MFSD12: variants seen among roughly 807,000 people sequenced by gnomAD.
The protein encoded by MFSD12 is major facilitator superfamily domain-containing protein 12.
A neutral mutation model predicts 51.2 loss-of-function variants in MFSD12; 67 were observed. The ratio of observed to expected loss-of-function variants is 1.31; its 90% CI spans 1.08 to 1.60. The LOEUF (loss-of-function observed/expected upper bound fraction) is 1.60, where lower values mean the gene tolerates loss of function less well. MFSD12 is among the 40% of genes most tolerant of loss of function. MFSD12 has a pLI of 0.00. For missense variants in MFSD12, 921 were observed against 673.0 expected, an observed-to-expected ratio of 1.37 and a Z score of -4.08; for synonymous variants, 441 against 316.7, an observed-to-expected ratio of 1.39 and a Z score of -4.17.
intron 2 of MFSD12, among the ~76,000 whole-genome samples, chr19:3,550,141 G>A (rs567829555): frequency 6.2e-4 from 95 of 152,236 alleles, no homozygotes; most frequent in South Asian, 3.9e-3. Context: ...TCCATAAGAC[G>A]CTAGCCCTGG....
At chr19:3,547,103 G>A (rs1189651756) in intron 6 of MFSD12, among the ~76,000 whole-genome samples, 169 bp downstream of exon 6, 2 of 152,208 alleles carry the variant, frequency 1.3e-5, no homozygotes, top group Non-Finnish European at 2.9e-5. Context: ...CTCCCAAAGT[G>A]CTGGGATTAC....
exon 5 of MFSD12, chr19:3,538,709 G>A (rs573869538): frequency 2.1e-6 from 1 of 474,724 alleles, no homozygotes; most frequent in South Asian, 1.5e-5. Flanking sequence ...CTCCGCCTCG[G>A]GCTGTCACAA....
intron 1 of MFSD12, among the ~76,000 whole-genome samples, chr19:3,556,466 C>CG (rs1568264326): frequency 6.6e-6 from 1 of 151,134 alleles, no homozygotes; most frequent in Admixed American, 6.6e-5. Context: ...AGAGGGGATA[C>CG]GGGGCAGTTA....
Position 3,548,341 on chromosome 19 carries a change from G to A in MFSD12, c.510-74C>T, listed in dbSNP as rs531168076. On this transcript the variant is annotated intron_variant, in intron 2 of 9. Transcript: ENST00000355415. ...CACTTCCTCCCCACGTGGCTACGCC[G>A]TCAGAGAGGCCTGGGGAACCCCTGA... 710 of 1,522,010 alleles carry A rather than the reference G, an allele frequency of 4.7e-4. 3 individuals carry two copies. In the African/African-American group the frequency reaches 8.7e-3, roughly 19 times the overall value. The allele number at this position is 1,522,010 out of a possible 1,614,324, so 94.3% of individuals were successfully genotyped here.
chr19:3,551,130 G>A lies in MFSD12; in HGVS notation c.363C>T (p.Ala121=), dbSNP rs771839551. The change falls in exon 2 of 10, where the codon GCC becomes GCT. Residue 121 remains alanine, a synonymous_variant. Transcript: ENST00000355415. The surrounding 1 kb of genome is among the most constrained non-coding windows in gnomAD (Gnocchi z 4.6). The part of the protein sequence containing the change: ...IFSPCLGCGA[A]TPEWAALLYY... Reference sequence around the variant, plus strand: ...AGAGGAGGGCAGCCCACTCGGGCGTGGCCGCCCCACAGCCCAGGCAGGGGC... The same window carrying A: ...AGAGGAGGGCAGCCCACTCGGGCGTAGCCGCCCCACAGCCCAGGCAGGGGC... The A allele has an allele frequency of 4.3e-6, 7 of 1,612,892 alleles. No homozygotes were observed. The African/African-American group carries it at 6.7e-5, about 15-fold the overall frequency.
chr19:3,546,505 C>T (rs1453211748), intron 6 of MFSD12, 80 bp from the exon 7 acceptor site: 1 of 1,473,090 alleles, frequency 6.8e-7, no homozygotes, highest in Admixed American at 2.2e-5. Context: ...CCCCTACCCC[C>T]AACCCCAGCA....
chr19:3,545,984 GCCCAGA>G (rs1468542880), intron 8 of MFSD12, 84 bp downstream of exon 8: 15 of 1,375,102 alleles, frequency 1.1e-5, no homozygotes, highest in East Asian at 2.3e-5. Flanking sequence ...ACAGCTGGAT[GCCCAGA>G]CCCAGAACAC....
At position 3,544,867 on chromosome 19, in the gene MFSD12, G is replaced by A. The variant is rs144613905; in HGVS notation, c.1362C>T (p.Gly454=). The A allele has an allele frequency of 4.2e-3, 6,708 of 1,610,954 alleles. 160 individuals are homozygous for A. Among genetic ancestry groups the A allele is most frequent in the African/African-American group, 0.038 (2,866 of 74,956 alleles). Residue 454 remains glycine, a synonymous_variant, in exon 9 of 10, where the codon GGC becomes GGT. Coordinates refer to ENST00000355415, the MANE Select transcript of MFSD12 (RefSeq NM_174983.5). ...WAMVAVTGGV[G]VAAALCLCSL... is the part of the protein sequence containing the mutation. ...TACAGAGACACAGGGCAGCGGCCACGCCCACGCCGCCCGTCACAGCCACCA... is the reference window on the plus strand; with the variant it reads ...TACAGAGACACAGGGCAGCGGCCACACCCACGCCGCCCGTCACAGCCACCA...
intron 8 of MFSD12, among the ~76,000 whole-genome samples, chr19:3,545,172 C>T (rs1054298279): frequency 6.6e-6 from 1 of 152,186 alleles, no homozygotes. Flanking sequence ...CCTGTCTCCT[C>T]ATGGTCCAGC....
rs1477192409 is a variant in MFSD12 at position 3,546,502 on chromosome 19, C to G, written c.1024-77G>C. ...TGGCGCTTCAATCCGCCACCCCTACCCCCAACCCCAGCAAACAAGGCATGA... is the reference window on the plus strand; with the variant it reads ...TGGCGCTTCAATCCGCCACCCCTACGCCCAACCCCAGCAAACAAGGCATGA... On this transcript the variant is annotated intron_variant, in intron 6 of 9. Transcript: ENST00000355415. 33 of 1,483,178 alleles carry G rather than the reference C, an allele frequency of 2.2e-5. No individual in the cohort carries two copies. In the South Asian group the frequency reaches 4.2e-4, roughly 19 times the overall value. The allele number at this position is 1,483,178 out of a possible 1,614,324, so 91.9% of individuals were successfully genotyped here.
In MFSD12 at chr19:3,544,873, G is replaced by C. The variant is rs147887404; in HGVS notation, c.1356C>G (p.Gly452=). The C allele has an allele frequency of 1.9e-6, 3 of 1,611,218 alleles. No homozygotes were observed. Among genetic ancestry groups the C allele is most frequent in the Non-Finnish European group, 2.5e-6 (3 of 1,179,426 alleles). Reference sequence around the variant, plus strand: ...GACACAGGGCAGCGGCCACGCCCACGCCGCCCGTCACAGCCACCATCGCCC... The same window carrying C: ...GACACAGGGCAGCGGCCACGCCCACCCCGCCCGTCACAGCCACCATCGCCC... ...YHWAMVAVTG[G]VGVAAALCLC... The change falls in exon 9 of 10, where the codon GGC becomes GGG. Residue 452 remains glycine (G), a synonymous_variant. Transcript: ENST00000355415.
chr19:3,548,032 T>C lies in MFSD12; in HGVS notation c.655-2A>G, dbSNP rs111261494. On this transcript the variant is annotated splice_acceptor_variant, in intron 3 of 9. Coordinates refer to ENST00000355415, the MANE Select transcript of MFSD12 (RefSeq NM_174983.5). LOFTEE classifies it high-confidence loss of function. Reference sequence around the variant, plus strand: ...ACCCACCACCAGCAGGGACAGGTTCTGGGGATGCAGCAGAAGCAGTCAGTG... The same window carrying C: ...ACCCACCACCAGCAGGGACAGGTTCCGGGGATGCAGCAGAAGCAGTCAGTG... 2 of 1,599,832 alleles carry C rather than the reference T, an allele frequency of 1.3e-6. No individual in the cohort carries two copies. Among genetic ancestry groups the C allele is most frequent in the Non-Finnish European group, 8.5e-7 (1 of 1,179,414 alleles).
At chr19:3,549,137 C>G (rs962432100) in intron 2 of MFSD12, among the ~76,000 whole-genome samples, 1 of 152,292 alleles carries the variant, frequency 6.6e-6, no homozygotes, top group South Asian at 2.1e-4. Flanking sequence ...GCCAGGCACA[C>G]GGCAGGTGCT....
At chr19:3,544,007 A>G (rs537022492), downstream of MFSD12, 9 of 1,537,510 alleles carry the variant, frequency 5.9e-6, no homozygotes, top group Admixed American at 1.4e-4. Context: ...CCACTCCCCG[A>G]TAAAGGCATG....
At position 3,547,518 on chromosome 19, in the gene MFSD12, G is replaced by A. The variant is rs1410904888; in HGVS notation, c.867C>T (p.Leu289=). 1.2e-6 allele frequency: 2 copies of A among 1,612,648 alleles called. No homozygotes were observed. Among genetic ancestry groups the A allele is most frequent in the African/African-American group, 1.3e-5 (1 of 75,050 alleles). The change falls in exon 5 of 10, where the codon CTC becomes CTT. Residue 289 remains leucine, a synonymous_variant. Transcript: ENST00000355415. The part of the protein sequence containing the change: ...QVGILYMTTR[L]IVNLSQTYMA... ...TGTAGGTCTGGGACAGGTTCACGATGAGCCTGGTGGTCATGTACAGTATGC... is the reference window on the plus strand; with the variant it reads ...TGTAGGTCTGGGACAGGTTCACGATAAGCCTGGTGGTCATGTACAGTATGC...
downstream of MFSD12, chr19:3,543,644 C>T: frequency 6.5e-7 from 1 of 1,544,044 alleles, no homozygotes. Context: ...GGGGAGCGCG[C>T]TGTGGAAAGA....
chr19:3,540,244 C>G (rs1051236003), downstream of MFSD12, among the ~76,000 whole-genome samples: 2 of 151,388 alleles, frequency 1.3e-5, no homozygotes, highest in African/African-American at 4.9e-5. Flanking sequence ...CAGGTTTGTG[C>G]CACATGCCCA....
At chr19:3,541,461 T>C (rs527891728), downstream of MFSD12, 1 of 154,482 alleles carries the variant, frequency 6.5e-6, no homozygotes, top group South Asian at 2.1e-4. Context: ...TAGCTGGGAT[T>C]ACAGGCACCC....
intron 1 of MFSD12, among the ~76,000 whole-genome samples, chr19:3,554,013 T>G (rs1020864074): frequency 6.8e-6 from 1 of 147,564 alleles, no homozygotes; most frequent in Non-Finnish European, 1.5e-5. Flanking sequence ...ACCCAGGAGG[T>G]TGAGGTTGCA....
Sources: allele counts gnomAD v4.1 joint callset (sites outside exome capture counted in the v4.1 genomes callset), GRCh38; gene constraint gnomAD v4.1.1; non-coding constraint Gnocchi (gnomAD v3.1); transcripts MANE v1.5; gene names NCBI Gene and HGNC (gene_info 2026-07-23, HGNC 2026-07-21).